CNTN5: variants seen among roughly 807,000 people sequenced by gnomAD.
CNTN5 encodes contactin-5.
CNTN5 carries 77 observed loss-of-function variants against 129.1 expected under a neutral mutation model. The ratio of observed to expected loss-of-function variants is 0.60; its 90% CI spans 0.50 to 0.72. The LOEUF (loss-of-function observed/expected upper bound fraction) is 0.72, where lower values mean the gene tolerates loss of function less well. Among genes scored for constraint, CNTN5 ranks in the 30% least tolerant of loss-of-function variants. CNTN5 has a pLI of 0.00. For synonymous variants in CNTN5, 509 were observed against 465.6 expected (o/e 1.09, Z -1.20); for missense variants, 1,478 against 1,328.8 (o/e 1.11, Z -1.75).
At chr11:100,318,141 T>C (rs1951605693) in intron 21 of CNTN5, among the ~76,000 whole-genome samples, 1 of 147,500 alleles carries the variant, frequency 6.8e-6, no homozygotes, top group Non-Finnish European at 1.5e-5. Flanking sequence ...CTCGGTAGGC[T>C]GAGGCAGGAG....
intron 8 of CNTN5, among the ~76,000 whole-genome samples, chr11:99,965,711 T>C (rs1308295132): frequency 6.6e-6 from 1 of 152,142 alleles, no homozygotes; most frequent in East Asian, 1.9e-4. Flanking sequence ...TTCCTGGATA[T>C]CCTTGTTAAC....
intron 2 of CNTN5, among the ~76,000 whole-genome samples, chr11:99,499,277 C>T (rs904940894): frequency 2.0e-5 from 3 of 152,122 alleles, no homozygotes; most frequent in Non-Finnish European, 4.4e-5. Flanking sequence ...TGTGTCCCCT[C>T]CAAAATTCAA....
At chr11:99,340,467 C>T (rs1426014902) in intron 2 of CNTN5, among the ~76,000 whole-genome samples, 1 of 151,820 alleles carries the variant, frequency 6.6e-6, no homozygotes, top group South Asian at 2.1e-4. Flanking sequence ...GGAGCAGCTA[C>T]AGAAATTGAA....
chr11:99,199,409 G>A (rs1258208454), intron 1 of CNTN5, among the ~76,000 whole-genome samples: 3 of 152,122 alleles, frequency 2.0e-5, no homozygotes, highest in Admixed American at 6.6e-5. Context: ...ATGAGAAATA[G>A]CTTATATATC....
In CNTN5 at chr11:100,092,202, C is replaced by G. The variant is rs7934358; in HGVS notation, c.1580+17908C>G. ...TATTAACTAAGCTGAGTTGGATTTT[C>G]AAGAAAGCTTGTTTTCTACTAGTTT... On this transcript the variant is annotated intron_variant, in intron 13 of 24. Transcript: ENST00000524871. Among the ~76,000 whole-genome samples, 1,244 of 152,208 alleles carry G rather than the reference C, an allele frequency of 8.2e-3. 15 individuals are homozygous for G. The highest frequency in any genetic ancestry group is 0.029 in the African/African-American group (1,199 of 41,550).
At chr11:99,629,585 GA>G (rs1029577147) in intron 3 of CNTN5, among the ~76,000 whole-genome samples, 7 of 145,580 alleles carry the variant, frequency 4.8e-5, no homozygotes, top group African/African-American at 1.8e-4. Flanking sequence ...GATTTATGGG[GA>G]AAGTATATTA....
At chr11:99,433,594 A>G (rs1943487025) in intron 2 of CNTN5, among the ~76,000 whole-genome samples, 1 of 152,180 alleles carries the variant, frequency 6.6e-6, no homozygotes, top group Non-Finnish European at 1.5e-5. Flanking sequence ...TCTGATAGGT[A>G]TTCAGTTAAA....
intron 3 of CNTN5, among the ~76,000 whole-genome samples, chr11:99,569,533 C>T (rs1268234439): frequency 1.3e-5 from 2 of 152,068 alleles, no homozygotes; most frequent in East Asian, 1.9e-4. Context: ...AGGCTGGTCT[C>T]GAACTCCTGA....
intron 16 of CNTN5, among the ~76,000 whole-genome samples, chr11:100,232,415 G>T (rs1428641681): frequency 6.6e-6 from 1 of 152,170 alleles, no homozygotes; most frequent in Admixed American, 6.5e-5. Flanking sequence ...ACATATCAGT[G>T]AATTAAGAAA....
chr11:100,036,274 C>T lies in CNTN5; in HGVS notation c.981-24938C>T, dbSNP rs563670742. On this transcript the variant is annotated intron_variant, in intron 9 of 24. Coordinates refer to ENST00000524871, the MANE Select transcript of CNTN5 (RefSeq NM_014361.4). ...GTCAGGTTTGTCAAAGATCAGATAG[C>T]TGTAGATATGCGGCATTATTTCTGA... Among the ~76,000 whole-genome samples, 81 of 128,572 alleles carry T rather than the reference C, an allele frequency of 6.3e-4. 1 individual carries two copies. Among genetic ancestry groups the T allele is most frequent in the African/African-American group, 2.2e-3 (79 of 36,098 alleles). 84.3% of individuals were successfully genotyped at this position (128,572 alleles called of 152,430 possible).
intron 9 of CNTN5, among the ~76,000 whole-genome samples, chr11:100,033,134 A>G (rs942361881): frequency 2.0e-5 from 3 of 152,190 alleles, no homozygotes; most frequent in Non-Finnish European, 1.5e-5. Flanking sequence ...TTGACAGAAT[A>G]TAGACAGTTT....
chr11:99,697,782 T>G (rs1397059881), intron 3 of CNTN5, among the ~76,000 whole-genome samples: 5 of 151,712 alleles, frequency 3.3e-5, no homozygotes, highest in Admixed American at 6.6e-5. Context: ...GGGAATTGTA[T>G]GTACTATCTT....
chr11:99,946,139 A>C (rs1026978945), intron 7 of CNTN5, among the ~76,000 whole-genome samples: 1 of 152,114 alleles, frequency 6.6e-6, no homozygotes, highest in African/African-American at 2.4e-5. Context: ...TTGTGAATAA[A>C]TTTATTCACC....
chr11:99,384,024 A>C (rs1435337222), intron 2 of CNTN5, among the ~76,000 whole-genome samples: 1 of 152,234 alleles, frequency 6.6e-6, no homozygotes, highest in African/African-American at 2.4e-5. Context: ...GTGATAAAAC[A>C]CATCAGTCTG....
At chr11:99,520,171 T>C (rs1310998604) in intron 2 of CNTN5, among the ~76,000 whole-genome samples, 1 of 152,146 alleles carries the variant, frequency 6.6e-6, no homozygotes, top group Non-Finnish European at 1.5e-5. Context: ...TCTGGCAGAA[T>C]ATTTATATTT....
chr11:99,860,344 A>G (rs1046556968), intron 6 of CNTN5, among the ~76,000 whole-genome samples: 22 of 151,866 alleles, frequency 1.4e-4, no homozygotes, highest in African/African-American at 4.6e-4. Context: ...CTTATGTTGC[A>G]TTTGCTTTTG....
intron 1 of CNTN5, among the ~76,000 whole-genome samples, chr11:99,179,803 T>G (rs917119273): frequency 4.6e-5 from 7 of 152,146 alleles, no homozygotes; most frequent in African/African-American, 1.7e-4. Context: ...CCAAATAAGA[T>G]TTTGTGGTGA....
In CNTN5 at chr11:100,295,218, G is replaced by A. The variant is rs1233216229; in HGVS notation, c.2315-2407G>A. Among the ~76,000 whole-genome samples, 3 of 151,488 alleles carry A rather than the reference G, an allele frequency of 2.0e-5. 1 individual carries two copies. The highest frequency in any genetic ancestry group is 2.0e-4 in the Admixed American group (3 of 15,150). ...ATTTCTTTACATTAAGTTGAAGATG[G>A]GCTATCTTGTCTTGAAAATAAATTA... On this transcript the variant is annotated intron_variant, in intron 18 of 24. Transcript: ENST00000524871.
At chr11:99,558,278 G>C (rs1295438090) in intron 3 of CNTN5, 1 of 428,228 alleles carries the variant, frequency 2.3e-6, no homozygotes, top group Admixed American at 2.5e-5. Context: ...TTTTCCTCTT[G>C]AACTTATAAG....
Sources: allele counts gnomAD v4.1 joint callset (sites outside exome capture counted in the v4.1 genomes callset), GRCh38; gene constraint gnomAD v4.1.1; transcripts MANE v1.5; gene names NCBI Gene and HGNC (gene_info 2026-07-23, HGNC 2026-07-21).